The following CA5B variants were observed in gnomAD, a reference collection of about 807,000 sequenced individuals.
CA5B encodes the protein carbonic anhydrase 5B.
CA5B carries 15 observed loss-of-function variants against 23.1 expected under a neutral mutation model. That is an observed-to-expected ratio of 0.65 (90% confidence interval 0.43 to 1.00). The LOEUF (loss-of-function observed/expected upper bound fraction) is 1.00. Ranked by LOEUF, CA5B falls within the 50% of genes least tolerant of loss-of-function variation. The pLI, the probability that CA5B is intolerant of heterozygous loss-of-function variation, is 0.00. For missense variants in CA5B, 236 were observed against 252.2 expected (o/e 0.94, Z 0.43); for synonymous variants, 84 against 98.5 (o/e 0.85, Z 0.87).
At chrX:15,766,210 C>T (rs1351163179) in intron 3 of CA5B, among the ~76,000 whole-genome samples, 1 of 107,135 alleles carries the variant, frequency 9.3e-6, no homozygotes, top group African/African-American at 3.4e-5. Context: ...TATCCTGGCT[C>T]TGAGTCTCAA....
chrX:15,770,325 A>T (rs1010114327), intron 3 of CA5B, among the ~76,000 whole-genome samples: 1 of 112,173 alleles, frequency 8.9e-6, no homozygotes, highest in Non-Finnish European at 1.9e-5. Flanking sequence ...AAAAAAAATT[A>T]AAAAATAAAA....
At chrX:15,756,824 G>A (rs1931496605) in intron 2 of CA5B, among the ~76,000 whole-genome samples, 1 of 111,142 alleles carries the variant, frequency 9.0e-6, no homozygotes, top group African/African-American at 3.3e-5. Context: ...GGAGGCCAAG[G>A]CGGGTGGATC....
intron 6 of CA5B, chrX:15,776,137 G>C (rs1931919970): frequency 8.5e-6 from 3 of 351,090 alleles, no homozygotes; most frequent in Non-Finnish European, 1.1e-5. Flanking sequence ...AGGAGATCGA[G>C]ACTGTCCTGG....
At chrX:15,753,021 C>T (rs188994389) in intron 2 of CA5B, among the ~76,000 whole-genome samples, 189 of 111,227 alleles carry the variant, frequency 1.7e-3, no homozygotes, top group African/African-American at 5.9e-3. Flanking sequence ...TTGAGCTGTC[C>T]CGCCTTTCTG....
intron 1 of CA5B, among the ~76,000 whole-genome samples, chrX:15,740,140 A>G (rs913021788): frequency 2.7e-5 from 3 of 111,955 alleles, no homozygotes; most frequent in Admixed American, 1.9e-4. Flanking sequence ...GGGGCAGGTT[A>G]GCAAAATCCA....
chrX:15,760,930 A>G, intron 2 of CA5B, among the ~76,000 whole-genome samples: 1 of 111,763 alleles, frequency 8.9e-6, no homozygotes, highest in South Asian at 3.7e-4. Context: ...TGTTTATTTT[A>G]TTTTTTATTT....
At chrX:15,757,516 A>G (rs1281677032) in intron 2 of CA5B, among the ~76,000 whole-genome samples, 1 of 110,241 alleles carries the variant, frequency 9.1e-6, no homozygotes, top group African/African-American at 3.3e-5. Flanking sequence ...CTCTGTCTCA[A>G]AAACAAACAA....
Position 15,784,652 on chromosome X carries a change from A to G in CA5B, c.*1988A>G, listed in dbSNP as rs1601798094. The G allele has an allele frequency of 1.8e-5, 2 of 112,212 alleles. No homozygotes were observed. The allele number at this position is 112,212 out of a possible 1,213,427, so 9.2% of individuals were successfully genotyped here. A position where few individuals can be genotyped will look rare whatever the true frequency, so the allele number is the denominator to read the frequency against. On this transcript the variant is annotated 3_prime_UTR_variant, in exon 8 of 8. Coordinates refer to ENST00000318636, the MANE Select transcript of CA5B (RefSeq NM_007220.4). ...ATAGGGTTGGATGAATATACTTAAC[A>G]CTACTGAACTGTACACTTAAAGATC...
At chrX:15,752,327 A>G (rs1359911231) in intron 2 of CA5B, among the ~76,000 whole-genome samples, 2 of 111,819 alleles carry the variant, frequency 1.8e-5, no homozygotes, top group Non-Finnish European at 3.8e-5. Context: ...TAACATTACA[A>G]GACAAAGAAG....
intron 2 of CA5B, among the ~76,000 whole-genome samples, chrX:15,752,657 G>A (rs1034751221): frequency 9.9e-4 from 109 of 110,093 alleles, no homozygotes; most frequent in Non-Finnish European, 1.4e-3. Flanking sequence ...CCCGGGAGGC[G>A]GAGCTTGCAG....
Position 15,782,603 on chromosome X carries a change from A to T in CA5B, c.893A>T (p.His298Leu), listed in dbSNP as rs1932045054. ...MNRTVRSSFR[H>L]DYVLNVQAKP... is the part of the protein sequence containing the mutation. ...CGCACTGTTCGTTCATCCTTCCGGC[A>T]TGATTATGTGCTGAATGTACAAGCG... Residue 298 changes from histidine (H) to leucine (L), a missense_variant, in exon 8 of 8, where the codon CAT becomes CTT. By Grantham distance (99) the His-to-Leu change is moderately conservative. This residue lies in a region of CA5B where 170 missense variants were observed against 162.0 expected (regional missense o/e 1.05). Transcript: ENST00000318636. 3 of 1,207,853 alleles carry T rather than the reference A, an allele frequency of 2.5e-6. No individual in the cohort carries two copies. The highest frequency in any genetic ancestry group is 2.2e-6 in the Non-Finnish European group (2 of 894,419).
At chrX:15,776,340 A>T (rs1282485428) in intron 6 of CA5B, among the ~76,000 whole-genome samples, 1 of 104,140 alleles carries the variant, frequency 9.6e-6, no homozygotes. Flanking sequence ...CTCTGTCTCA[A>T]AAAAAAAAAA....
chrX:15,752,507 C>T (rs757807850), intron 2 of CA5B, among the ~76,000 whole-genome samples: 2 of 108,707 alleles, frequency 1.8e-5, no homozygotes, highest in African/African-American at 6.7e-5. Flanking sequence ...GGGCGGATCA[C>T]AAGGTCAGGA....
intron 7 of CA5B, among the ~76,000 whole-genome samples, chrX:15,778,774 A>C (rs1164367507): frequency 9.0e-6 from 1 of 110,524 alleles, no homozygotes; most frequent in Non-Finnish European, 1.9e-5. Flanking sequence ...AGATGGGGGA[A>C]GTGCCACACA....
chrX:15,776,087 A>C (rs772110188), intron 6 of CA5B: 158 of 683,347 alleles, frequency 2.3e-4, no homozygotes, highest in South Asian at 1.1e-3. Flanking sequence ...GCCTGTAATC[A>C]CAGCACTTTG....
chrX:15,752,897 T>A (rs1931405112), intron 2 of CA5B, among the ~76,000 whole-genome samples: 1 of 111,563 alleles, frequency 9.0e-6, no homozygotes, highest in Non-Finnish European at 1.9e-5. Context: ...TATCTTAACC[T>A]GAACATTCCC....
At chrX:15,767,528 A>G (rs1203011637) in intron 3 of CA5B, among the ~76,000 whole-genome samples, 6 of 109,671 alleles carry the variant, frequency 5.5e-5, no homozygotes, top group African/African-American at 1.7e-4. Context: ...CAGCCTCCCG[A>G]GTAGCTGGGA....
chrX:15,756,180 A>G (rs1931482967), intron 2 of CA5B, among the ~76,000 whole-genome samples: 1 of 112,274 alleles, frequency 8.9e-6, no homozygotes, highest in Non-Finnish European at 1.9e-5. Context: ...GGAACAAACG[A>G]ATAACAGATA....
rs1376582958 is a variant in CA5B, at chrX:15,785,888, T to G, written c.*3224T>G. 1.8e-5 allele frequency: 2 copies of G among 111,252 alleles called. 1 individual carries two copies. The highest frequency in any genetic ancestry group is 1.9e-4 in the Admixed American group (2 of 10,469). The allele number at this position is 111,252 out of a possible 1,213,427, so 9.2% of individuals were successfully genotyped here. On this transcript the variant is annotated 3_prime_UTR_variant, in exon 8 of 8. Coordinates refer to ENST00000318636, the MANE Select transcript of CA5B (RefSeq NM_007220.4). ...TATTTTTTTTTATTTTTTTTATTTTTTTGAGACAGAGTCGCGCTGTCACCC... is the reference window on the plus strand; with the variant it reads ...TATTTTTTTTTATTTTTTTTATTTTGTTGAGACAGAGTCGCGCTGTCACCC...
Sources: gnomAD v4.1 joint callset for allele counts (sites outside exome capture counted in the v4.1 genomes callset) on GRCh38, gnomAD v4.1.1 for gene constraint, gnomAD v4.1.1 regional missense constraint, MANE v1.5 for transcripts, NCBI Gene and HGNC (gene_info 2026-07-23, HGNC 2026-07-21) for gene names.